SORCS1: variants seen among roughly 807,000 people sequenced by gnomAD.
SORCS1 encodes the protein VPS10 domain-containing receptor SorCS1.
Under a neutral mutation model 146.1 loss-of-function variants are expected in SORCS1, and 60 were observed. The ratio of observed to expected loss-of-function variants is 0.41; its 90% CI spans 0.33 to 0.51. The LOEUF (loss-of-function observed/expected upper bound fraction) is 0.51. Ranked by LOEUF, SORCS1 falls within the 20% of genes least tolerant of loss-of-function variation. The pLI is 0.21. For missense variants in SORCS1, 1,352 were observed against 1,487.6 expected, an observed-to-expected ratio of 0.91 and a Z score of 1.50; for synonymous variants, 637 against 584.0, an observed-to-expected ratio of 1.09 and a Z score of -1.31.
intron 2 of SORCS1, among the ~76,000 whole-genome samples, chr10:106,906,388 A>T (rs1951910742): frequency 6.6e-6 from 1 of 152,218 alleles, no homozygotes; most frequent in African/African-American, 2.4e-5. Context: ...TGCTGGGATT[A>T]CAGGTGTGAG....
intron 18 of SORCS1, among the ~76,000 whole-genome samples, chr10:106,636,833 C>T (rs1288226494): frequency 2.6e-5 from 4 of 152,194 alleles, no homozygotes; most frequent in African/African-American, 7.2e-5. Context: ...TTCTTAACTC[C>T]GAGTCCAGCA....
At chr10:106,588,850 G>C (rs188641093) in intron 24 of SORCS1, among the ~76,000 whole-genome samples, 10 of 98,724 alleles carry the variant, frequency 1.0e-4, no homozygotes, top group African/African-American at 4.0e-4. Context: ...GACAGGGCAA[G>C]ACTCCATCTC....
intron 1 of SORCS1, among the ~76,000 whole-genome samples, chr10:107,048,256 T>G (rs1959710563): frequency 6.6e-6 from 1 of 152,222 alleles, no homozygotes; most frequent in Non-Finnish European, 1.5e-5. Context: ...GTAAGTGCAT[T>G]ACAGAGAGTG....
chr10:107,101,193 G>A (rs1055390766), intron 1 of SORCS1, among the ~76,000 whole-genome samples: 9 of 152,128 alleles, frequency 5.9e-5, no homozygotes, highest in African/African-American at 1.9e-4. Context: ...CAAGTAGCCT[G>A]CCACCACACC....
At chr10:107,067,900 G>A (rs536650348) in intron 1 of SORCS1, among the ~76,000 whole-genome samples, 104 of 152,272 alleles carry the variant, frequency 6.8e-4, no homozygotes, top group African/African-American at 2.5e-3. Flanking sequence ...CATTAAGAGT[G>A]CTATCTCAAG....
Position 106,796,877 on chromosome 10 carries a change from A to G in SORCS1, c.727-20185T>C, listed in dbSNP as rs377334604. Among the ~76,000 whole-genome samples, 5 of 152,216 alleles carry G rather than the reference A, an allele frequency of 3.3e-5. No individual in the cohort carries two copies. In the East Asian group the frequency reaches 5.8e-4, roughly 18 times the overall value. Reference sequence around the variant, plus strand: ...GTAATCCCAGCACTTTGGGAGGCCAAGGCGGATGGATTACGAAGTCAGAAG... The same window carrying G: ...GTAATCCCAGCACTTTGGGAGGCCAGGGCGGATGGATTACGAAGTCAGAAG... On this transcript the variant is annotated intron_variant, in intron 3 of 25. Coordinates refer to ENST00000263054, the MANE Select transcript of SORCS1 (RefSeq NM_052918.5).
intron 1 of SORCS1, among the ~76,000 whole-genome samples, chr10:107,105,589 C>T (rs538750755): frequency 6.8e-4 from 104 of 152,268 alleles, no homozygotes; most frequent in African/African-American, 2.4e-3. Context: ...AACTTTGAGT[C>T]TGATGTTCGA....
intron 1 of SORCS1, among the ~76,000 whole-genome samples, chr10:107,098,582 C>T (rs1194352725): frequency 6.6e-6 from 1 of 152,120 alleles, no homozygotes; most frequent in Non-Finnish European, 1.5e-5. Context: ...CTGGGCTCAG[C>T]CAACACCTCG....
chr10:106,646,819 G>A (rs927053130), intron 18 of SORCS1, among the ~76,000 whole-genome samples: 3 of 151,822 alleles, frequency 2.0e-5, no homozygotes, highest in Non-Finnish European at 4.4e-5. Flanking sequence ...ATTCAAAATT[G>A]TAGCACCCAT....
At chr10:106,975,793 T>C (rs1955965798) in intron 1 of SORCS1, among the ~76,000 whole-genome samples, 2 of 152,214 alleles carry the variant, frequency 1.3e-5, no homozygotes, top group Non-Finnish European at 2.9e-5. Context: ...CTTGCTCTTC[T>C]TTGAACCACA....
chr10:107,165,012 G>A (rs1970003239), upstream of SORCS1, among the ~76,000 whole-genome samples: 1 of 151,530 alleles, frequency 6.6e-6, no homozygotes, highest in Admixed American at 6.6e-5. The surrounding 1 kb of genome is among the most constrained non-coding windows in gnomAD (Gnocchi z 4.0). Flanking sequence ...CCGCGGGGGC[G>A]GTCGACCCCG....
intron 2 of SORCS1, among the ~76,000 whole-genome samples, chr10:106,837,113 CCTT>C (rs562090843): frequency 4.6e-5 from 7 of 152,180 alleles, no homozygotes; most frequent in Non-Finnish European, 8.8e-5. Flanking sequence ...GTCAGGAGTT[CCTT>C]CTTAGAAATA....
rs58664426 is a variant in SORCS1 at position 106,910,332 on chromosome 10, TAGAG to T, written c.626+46177_626+46180del. Among the ~76,000 whole-genome samples, 12 of 150,936 alleles carry T rather than the reference TAGAG, an allele frequency of 8.0e-5. 1 individual carries two copies. The South Asian group carries it at 2.3e-3, about 29-fold the overall frequency. ...GTGTGTGTGAGACAGTATATATATA[TAGAG>T]AGTGAGCGAGCTCACAAGCGAGAGA... On this transcript the variant is annotated intron_variant, in intron 2 of 25. Transcript: ENST00000263054.
chr10:106,710,253 C>A, intron 6 of SORCS1, among the ~76,000 whole-genome samples: 1 of 152,074 alleles, frequency 6.6e-6, no homozygotes, highest in East Asian at 1.9e-4. Flanking sequence ...TCACAACCAG[C>A]CTGGCCAAGA....
Position 107,000,622 on chromosome 10 carries a change from A to AT in SORCS1, c.559-44043_559-44042insA, listed in dbSNP as rs377329318. On this transcript the variant is annotated intron_variant, in intron 1 of 25. Transcript: ENST00000263054. ...CTCCATCTCAAAAAAAAAAAAAAAA[A>AT]GTCAATTTTACCTCAAACCTGAATT... 2.5e-3 allele frequency among the ~76,000 whole-genome samples: 375 copies of AT among 150,996 alleles called. 4 individuals are homozygous for AT. The highest frequency in any genetic ancestry group is 8.7e-3 in the African/African-American group (355 of 40,632).
intron 9 of SORCS1, 59 bp from the exon 10 acceptor site, chr10:106,688,397 A>G (rs1396946573): frequency 6.4e-7 from 1 of 1,564,548 alleles, no homozygotes; most frequent in Non-Finnish European, 8.6e-7. Context: ...ATATTTGTTT[A>G]CTTTTTAAAA....
chr10:106,722,148 C>CACACACACACAT lies in SORCS1; in HGVS notation c.1024+7901_1024+7902insATGTGTGTGTGT, dbSNP rs1468918173. ...ACACACACACACACACACACACACA[C>CACACACACACAT]ATATATATATAACAATAAAAAGATA... On this transcript the variant is annotated intron_variant, in intron 6 of 25. Transcript: ENST00000263054. 1.0e-4 allele frequency among the ~76,000 whole-genome samples: 15 copies of CACACACACACAT among 148,666 alleles called. No individual in the cohort carries two copies. The South Asian group carries it at 2.3e-3, about 23-fold the overall frequency.
intron 1 of SORCS1, among the ~76,000 whole-genome samples, chr10:106,957,166 TTTTTTTTG>T (rs901260564): frequency 5.2e-4 from 46 of 88,898 alleles, no homozygotes; most frequent in African/African-American, 3.7e-3. Context: ...TTTTTTTTTG[TTTTTTTTG>T]TTTTTTTTTT....
chr10:106,804,141 T>C (rs1421034176), intron 3 of SORCS1, among the ~76,000 whole-genome samples: 1 of 152,072 alleles, frequency 6.6e-6, no homozygotes. Context: ...ATAATTATTG[T>C]ATCAAAGAAA....
Sources: allele counts gnomAD v4.1 joint callset (sites outside exome capture counted in the v4.1 genomes callset), GRCh38; gene constraint gnomAD v4.1.1; non-coding constraint Gnocchi (gnomAD v3.1); transcripts MANE v1.5; gene names NCBI Gene and HGNC (gene_info 2026-07-23, HGNC 2026-07-21).